The following PKIB variants were observed in gnomAD, a reference collection of about 807,000 sequenced individuals.
The protein encoded by PKIB is PKI-beta.
In PKIB, 2 loss-of-function variants were observed where a neutral mutation model predicts 4.5. The ratio of observed to expected loss-of-function variants is 0.44; its 90% confidence interval spans 0.18 to 1.39. PKIB has a LOEUF of 1.39. PKIB is among the 40% of genes most tolerant of loss of function. PKIB has a pLI of 0.27. For missense variants in PKIB, 94 were observed against 92.6 expected, an observed-to-expected ratio of 1.02 and a Z score of -0.06; for synonymous variants, 38 against 36.0, an observed-to-expected ratio of 1.06 and a Z score of -0.20.
At chr6:122,635,682 G>A (rs1322422409) in intron 2 of PKIB, among the ~76,000 whole-genome samples, 3 of 151,958 alleles carry the variant, frequency 2.0e-5, no homozygotes, top group Admixed American at 2.0e-4. Context: ...TGTTAAAGTG[G>A]TTTAGTATCA....
At position 122,682,942 on chromosome 6, in the gene PKIB, T is replaced by TA. The variant is rs577544140; in HGVS notation, c.-9+7799dup. Among the ~76,000 whole-genome samples the TA allele has an allele frequency of 2.1e-4, 32 of 152,346 alleles. No individual in the cohort carries two copies. In the South Asian group the frequency reaches 6.6e-3, roughly 32 times the overall value. On this transcript the variant is annotated intron_variant, in intron 3 of 4. Transcript: ENST00000368452. ...CCTGGAATTGGTTATTCAACATCAT[T>TA]ACTAGAGTTCATTGGTTGGGCCCAT...
chr6:122,527,872 A>C (rs969578335), intron 2 of PKIB, among the ~76,000 whole-genome samples: 2 of 152,162 alleles, frequency 1.3e-5, no homozygotes, highest in African/African-American at 4.8e-5. Flanking sequence ...AAGCAAAATA[A>C]AGCAAACTGT....
intron 2 of PKIB, among the ~76,000 whole-genome samples, chr6:122,506,837 C>T (rs1776419396): frequency 1.3e-5 from 2 of 149,962 alleles, no homozygotes; most frequent in South Asian, 2.1e-4. Context: ...GTAGCTGGGA[C>T]TACAGGCGCC....
At chr6:122,488,898 A>G (rs959616393) in intron 2 of PKIB, among the ~76,000 whole-genome samples, 2 of 152,196 alleles carry the variant, frequency 1.3e-5, no homozygotes, top group Admixed American at 6.5e-5. Flanking sequence ...GTTCCCAGTG[A>G]TAATTCCAAT....
chr6:122,686,464 T>A (rs762950643), intron 3 of PKIB, among the ~76,000 whole-genome samples: 2 of 151,736 alleles, frequency 1.3e-5, no homozygotes, highest in Non-Finnish European at 2.9e-5. Flanking sequence ...TTGAGAAATA[T>A]TTTTTTTCAA....
upstream of PKIB, among the ~76,000 whole-genome samples, chr6:122,608,008 G>T (rs1488852132): frequency 6.6e-6 from 1 of 152,146 alleles, no homozygotes; most frequent in Non-Finnish European, 1.5e-5. Flanking sequence ...TGGCTTCAAT[G>T]TCCATATAGT....
chr6:122,515,420 A>G (rs1776717346), intron 2 of PKIB, among the ~76,000 whole-genome samples: 1 of 152,178 alleles, frequency 6.6e-6, no homozygotes, highest in Admixed American at 6.5e-5. Context: ...TCATTAGAAA[A>G]ATTTTATTAG....
intron 2 of PKIB, among the ~76,000 whole-genome samples, chr6:122,574,973 G>A (rs1773483350): frequency 6.6e-6 from 1 of 152,110 alleles, no homozygotes; most frequent in Non-Finnish European, 1.5e-5. Context: ...CCACAGAGTA[G>A]GAGAAAATAT....
intron 2 of PKIB, among the ~76,000 whole-genome samples, chr6:122,576,017 A>G (rs1033636913): frequency 1.3e-5 from 2 of 152,232 alleles, no homozygotes; most frequent in African/African-American, 2.4e-5. Context: ...TGTCATTTAT[A>G]TGAAACTCTA....
chr6:122,649,251 G>C (rs368540550), intron 2 of PKIB, among the ~76,000 whole-genome samples: 20 of 152,242 alleles, frequency 1.3e-4, no homozygotes, highest in East Asian at 9.7e-4. Flanking sequence ...ATATAGTCTT[G>C]TACGTCTGGC....
chr6:122,493,255 T>G (rs544541502), intron 2 of PKIB: 2 of 152,342 alleles, frequency 1.3e-5, no homozygotes, highest in African/African-American at 4.8e-5. Flanking sequence ...ATGAGATCAG[T>G]GCTCTTATAA....
At chr6:122,553,447 T>C (rs1340250913) in intron 2 of PKIB, among the ~76,000 whole-genome samples, 4 of 145,858 alleles carry the variant, frequency 2.7e-5, no homozygotes, top group African/African-American at 7.5e-5. Context: ...CATCACCTTG[T>C]TGCACTCATC....
intron 2 of PKIB, among the ~76,000 whole-genome samples, chr6:122,521,685 A>AAAT (rs374417068): frequency 2.6e-5 from 4 of 151,934 alleles, no homozygotes; most frequent in Non-Finnish European, 4.4e-5. Context: ...ACCTCAATAA[A>AAAT]AATAATAATA....
intron 1 of PKIB, among the ~76,000 whole-genome samples, chr6:122,619,268 A>G (rs1775122195): frequency 6.6e-6 from 1 of 152,178 alleles, no homozygotes; most frequent in East Asian, 1.9e-4. Flanking sequence ...GAAGTTTAAG[A>G]TGGCCTTTCC....
intron 2 of PKIB, among the ~76,000 whole-genome samples, chr6:122,670,643 A>G (rs1448782242): frequency 6.6e-6 from 1 of 152,078 alleles, no homozygotes; most frequent in African/African-American, 2.4e-5. Context: ...TTATTATTTC[A>G]TTAATTTATT....
At chr6:122,594,358 C>T (rs573038518) in intron 3 of PKIB, among the ~76,000 whole-genome samples, 1 of 152,022 alleles carries the variant, frequency 6.6e-6, no homozygotes, top group South Asian at 2.1e-4. Flanking sequence ...AGGCGTGCGC[C>T]ACCATGCCCA....
chr6:122,705,422 TATTCTC>T (rs2115038961), intron 3 of PKIB, among the ~76,000 whole-genome samples: 1 of 152,280 alleles, frequency 6.6e-6, no homozygotes, highest in South Asian at 2.1e-4. Flanking sequence ...AATAAGAAGT[TATTCTC>T]AGTCTGTAGC....
At chr6:122,502,258 GT>G (rs1202953770) in intron 2 of PKIB, among the ~76,000 whole-genome samples, 1 of 151,872 alleles carries the variant, frequency 6.6e-6, no homozygotes, top group Non-Finnish European at 1.5e-5. Flanking sequence ...CCATTACATA[GT>G]TCCAAAGTTG....
chr6:122,494,929 A>G (rs1028104250), intron 2 of PKIB, among the ~76,000 whole-genome samples: 4 of 152,198 alleles, frequency 2.6e-5, no homozygotes, highest in African/African-American at 9.7e-5. Flanking sequence ...GCCAATACAG[A>G]GAGCCACCTG....
Sources: allele counts gnomAD v4.1 joint callset (sites outside exome capture counted in the v4.1 genomes callset), GRCh38; gene constraint gnomAD v4.1.1; transcripts MANE v1.5; gene names NCBI Gene and HGNC (gene_info 2026-07-23, HGNC 2026-07-21).